CCDC178: variants seen among roughly 807,000 people sequenced by gnomAD.
The protein encoded by CCDC178 is coiled-coil domain containing 178.
Under a neutral mutation model 117.4 loss-of-function variants are expected in CCDC178, and 126 were observed. The observed-to-expected ratio is 1.07, with a 90% CI of 0.93 to 1.24. CCDC178 has a LOEUF of 1.24. CCDC178 is among the 50% of genes most tolerant of loss of function. The pLI is 0.00. For missense variants in CCDC178, 1,030 were observed against 986.9 expected, an observed-to-expected ratio of 1.04 and a Z score of -0.59; for synonymous variants, 283 against 313.4, an observed-to-expected ratio of 0.90 and a Z score of 1.02.
intron 20 of CCDC178, among the ~76,000 whole-genome samples, chr18:33,211,205 T>C (rs568953696): frequency 6.6e-6 from 1 of 152,002 alleles, no homozygotes; most frequent in South Asian, 2.1e-4. Flanking sequence ...TATTTTTGCT[T>C]CTTAGAAAAG....
rs1017420671 is a variant in CCDC178, at chr18:32,959,362, A to G, written c.2523+15185T>C. ...TCTGTTGGATTGAGGTAGGATACAT[A>G]GTGCATTGAACTTTAGTTCTCATTT... On this transcript the variant is annotated intron_variant, in intron 22 of 22. Coordinates refer to ENST00000383096, the MANE Select transcript of CCDC178 (RefSeq NM_001105528.4). 2.6e-5 allele frequency among the ~76,000 whole-genome samples: 4 copies of G among 152,170 alleles called. No individual in the cohort carries two copies. In the East Asian group the frequency reaches 7.7e-4, roughly 29 times the overall value.
intron 20 of CCDC178, among the ~76,000 whole-genome samples, chr18:33,163,633 T>C (rs1469721370): frequency 6.6e-6 from 1 of 152,236 alleles, no homozygotes; most frequent in African/African-American, 2.4e-5. Context: ...TCTAAGAACT[T>C]TGACTTTACT....
intron 5 of CCDC178, among the ~76,000 whole-genome samples, chr18:33,387,136 A>G (rs2063503849): frequency 6.6e-6 from 1 of 152,156 alleles, no homozygotes; most frequent in African/African-American, 2.4e-5. Context: ...AATACCTGGG[A>G]AAACAACTAA....
intron 2 of CCDC178, among the ~76,000 whole-genome samples, chr18:33,439,673 G>T (rs1376134363): frequency 6.6e-6 from 1 of 152,104 alleles, no homozygotes; most frequent in Non-Finnish European, 1.5e-5. Flanking sequence ...ACTACAGCAG[G>T]ACCAAGAAAC....
At chr18:33,399,001 A>G (rs1238505443) in intron 3 of CCDC178, among the ~76,000 whole-genome samples, 1 of 152,168 alleles carries the variant, frequency 6.6e-6, no homozygotes, top group East Asian at 1.9e-4. Flanking sequence ...GGAGTTTGAG[A>G]CCAGCCTGAC....
intron 20 of CCDC178, among the ~76,000 whole-genome samples, chr18:33,133,691 A>C (rs1271171205): frequency 6.6e-6 from 1 of 151,968 alleles, no homozygotes; most frequent in East Asian, 1.9e-4. Flanking sequence ...TCAGGCTCCA[A>C]GAAGCCACAT....
At chr18:33,091,035 T>TTATA (rs1447511482) in intron 21 of CCDC178, among the ~76,000 whole-genome samples, 1 of 152,208 alleles carries the variant, frequency 6.6e-6, no homozygotes, top group Non-Finnish European at 1.5e-5. Flanking sequence ...AAGTGATTCT[T>TTATA]TATAAACTGA....
intron 4 of CCDC178, among the ~76,000 whole-genome samples, chr18:33,396,825 T>C (rs1372974838): frequency 6.6e-6 from 1 of 152,080 alleles, no homozygotes; most frequent in Non-Finnish European, 1.5e-5. Flanking sequence ...GCCGGGAACG[T>C]CTATGTGTGG....
At chr18:33,103,218 G>A (rs2057656164) in intron 20 of CCDC178, among the ~76,000 whole-genome samples, 1 of 151,654 alleles carries the variant, frequency 6.6e-6, no homozygotes, top group African/African-American at 2.4e-5. Context: ...AGAAAATAAG[G>A]AAGATGCAAA....
Position 33,066,362 on chromosome 18 carries a change from G to C in CCDC178, c.2388+26399C>G, listed in dbSNP as rs146295905. Among the ~76,000 whole-genome samples the C allele has an allele frequency of 8.3e-4, 126 of 152,042 alleles. 1 individual carries two copies. Among genetic ancestry groups the C allele is most frequent in the African/African-American group, 3.0e-3 (123 of 41,472 alleles). On this transcript the variant is annotated intron_variant, in intron 21 of 22. Coordinates refer to ENST00000383096, the MANE Select transcript of CCDC178 (RefSeq NM_001105528.4). ...AGATATATAAGTAAGAAAGAGAAAC[G>C]ACTCAAATGTAATCACTACAAAACC...
At chr18:33,029,693 T>A (rs933756148) in intron 21 of CCDC178, among the ~76,000 whole-genome samples, 1 of 151,968 alleles carries the variant, frequency 6.6e-6, no homozygotes, top group Non-Finnish European at 1.5e-5. Flanking sequence ...GTATATGGTG[T>A]CCTTATCATT....
At chr18:32,988,873 T>C (rs1248433849) in intron 21 of CCDC178, among the ~76,000 whole-genome samples, 2 of 152,056 alleles carry the variant, frequency 1.3e-5, no homozygotes, top group African/African-American at 4.8e-5. Flanking sequence ...TAAAATGAAA[T>C]GAAATAGACA....
At chr18:33,280,136 A>C (rs1409673312) in intron 12 of CCDC178, among the ~76,000 whole-genome samples, 1 of 151,604 alleles carries the variant, frequency 6.6e-6, no homozygotes, top group Non-Finnish European at 1.5e-5. Flanking sequence ...TCTGCACAGC[A>C]AAAGAAACTA....
chr18:33,239,933 C>T (rs897053936), intron 15 of CCDC178, among the ~76,000 whole-genome samples: 6 of 151,920 alleles, frequency 3.9e-5, no homozygotes, highest in African/African-American at 1.4e-4. Flanking sequence ...CTGCAGAATA[C>T]ATTCTTTTCA....
intron 20 of CCDC178, among the ~76,000 whole-genome samples, chr18:33,181,043 T>A (rs772736757): frequency 3.9e-4 from 59 of 152,156 alleles, no homozygotes; most frequent in Non-Finnish European, 7.5e-4. Flanking sequence ...TCAGCGAATT[T>A]CCTTGTAAGG....
intron 4 of CCDC178, among the ~76,000 whole-genome samples, chr18:33,392,855 A>G (rs1477327648): frequency 6.6e-6 from 1 of 152,178 alleles, no homozygotes; most frequent in Non-Finnish European, 1.5e-5. Context: ...TCTCTAAAAA[A>G]TAAAATAAAT....
intron 14 of CCDC178, among the ~76,000 whole-genome samples, chr18:33,251,578 G>A (rs1484419369): frequency 2.6e-5 from 4 of 151,676 alleles, no homozygotes; most frequent in African/African-American, 9.7e-5. Context: ...TCCTTCGAGT[G>A]TCTCCCTAGC....
chr18:33,187,814 TA>T (rs931117618), intron 20 of CCDC178, among the ~76,000 whole-genome samples: 2 of 152,130 alleles, frequency 1.3e-5, no homozygotes, highest in African/African-American at 4.8e-5. Flanking sequence ...TTGGCCAATG[TA>T]AAATGAAGTT....
In CCDC178 at chr18:33,267,228, C is replaced by T; in HGVS notation, c.1246G>A (p.Glu416Lys). ...KQKSHENQYLEAVNDFYAAKK... is the reference protein window; with the variant it reads ...KQKSHENQYLKAVNDFYAAKK... The stretch of plus-strand genomic sequence containing the variant: ...GCAGCATAAAAATCATTAACTGCTT[C>T]CAGATACTGATTTTCATGACTTTTT... The change falls in exon 13 of 23, where the codon GAA becomes AAA. Residue 416 changes from glutamate (E) to lysine (K), a missense_variant. By Grantham distance (56) the Glu-to-Lys change is moderately conservative (BLOSUM62 1). Transcript: ENST00000383096. The T allele has an allele frequency of 6.2e-7, 1 of 1,601,554 alleles. No individual in the cohort carries two copies. The highest frequency in any genetic ancestry group is 8.5e-7 in the Non-Finnish European group (1 of 1,176,236).
Sources: gnomAD v4.1 joint callset for allele counts (sites outside exome capture counted in the v4.1 genomes callset) on GRCh38, gnomAD v4.1.1 for gene constraint, MANE v1.5 for transcripts, NCBI Gene and HGNC (gene_info 2026-07-23, HGNC 2026-07-21) for gene names.